Variants in UNC5CL observed in about 807,000 individuals in gnomAD.
UNC5CL encodes the protein unc-5 family C-terminal like.
In UNC5CL, 42 loss-of-function variants were observed where a neutral mutation model predicts 54.1. The observed-to-expected ratio is 0.78, with a 90% CI of 0.61 to 1.00. The LOEUF is 1.00. UNC5CL is among the 50% of genes least tolerant of loss of function. The pLI is 0.00. For synonymous variants in UNC5CL, 285 were observed against 285.1 expected (o/e 1.00, Z 0.00); for missense variants, 619 against 675.6 (o/e 0.92, Z 0.93).
At position 41,035,103 on chromosome 6, in the gene UNC5CL, T is replaced by G; in HGVS notation, c.-29A>C. On this transcript the variant is annotated 5_prime_UTR_variant, in exon 2 of 9. Transcript: ENST00000244565. ...CCTGGTTACTCAATGCCGCTGGCTC[T>G]CCTTCACCCCTGTGCCAGCCAAAGC... is the stretch of plus-strand genomic sequence containing the variant. The G allele has an allele frequency of 6.5e-7, 1 of 1,533,898 alleles. No individual in the cohort carries two copies. The highest frequency in any genetic ancestry group is 1.4e-5 in the African/African-American group (1 of 73,078).
At position 41,029,850 on chromosome 6, in the gene UNC5CL, A is replaced by G. The variant is rs1195423969; in HGVS notation, c.1334+538T>C. Among the ~76,000 whole-genome samples, 2 of 152,278 alleles carry G rather than the reference A, an allele frequency of 1.3e-5. No individual in the cohort carries two copies. The highest frequency in any genetic ancestry group is 3.9e-4 in the East Asian group (2 of 5,184). On this transcript the variant is annotated intron_variant, in intron 8 of 8. Transcript: ENST00000244565. The surrounding 1 kb of genome is among the most constrained non-coding windows in gnomAD (Gnocchi z 4.1). ...GACTCCGTCTCAAATAATGATAATA[A>G]TAATAAATAAAAATCCACCCTGTTT...
At chr6:41,039,131 TC>T (rs879031361) in intron 1 of UNC5CL, 30 bp downstream of exon 1, 3 of 152,294 alleles carry the variant, frequency 2.0e-5, no homozygotes, top group Admixed American at 2.0e-4. Context: ...CCATCCCCTC[TC>T]CAGCTGCCCC....
At chr6:41,031,633 G>A in intron 6 of UNC5CL, 48 bp downstream of exon 6, 2 of 1,599,762 alleles carry the variant, frequency 1.3e-6, no homozygotes, top group Non-Finnish European at 1.7e-6. Context: ...CTTTGCCTAG[G>A]ATTTCCCCCA....
intron 8 of UNC5CL, 60 bp downstream of exon 8, chr6:41,030,328 G>C (rs539612054): frequency 1.8e-5 from 27 of 1,533,642 alleles, no homozygotes; most frequent in Non-Finnish European, 2.3e-5. Context: ...AGAGTGTCCT[G>C]AGGAACCCCA....
chr6:41,030,593 G>A, intron 7 of UNC5CL, 62 bp downstream of exon 7: 1 of 1,609,202 alleles, frequency 6.2e-7, no homozygotes, highest in Non-Finnish European at 8.5e-7. Context: ...TAGTCACCCT[G>A]TGGGTGCCAG....
rs1179667183 is a variant in UNC5CL at position 41,029,369 on chromosome 6, C to A, written c.1335-774G>T. Among the ~76,000 whole-genome samples the A allele has an allele frequency of 6.6e-6, 1 of 152,214 alleles. No individual in the cohort carries two copies. Among genetic ancestry groups the A allele is most frequent in the African/African-American group, 2.4e-5 (1 of 41,456 alleles). ...CCTCAGTTCAGACTTCTGGTCATAA[C>A]GCCCGCAGTTCATTATTATTCTTGC... On this transcript the variant is annotated intron_variant, in intron 8 of 8. Transcript: ENST00000244565. The surrounding 1 kb of genome is among the most constrained non-coding windows in gnomAD (Gnocchi z 4.1).
At chr6:41,038,351 C>A (rs1396321207) in intron 1 of UNC5CL, among the ~76,000 whole-genome samples, 1 of 152,058 alleles carries the variant, frequency 6.6e-6, no homozygotes, top group Non-Finnish European at 1.5e-5. Context: ...ACAGCAGTAA[C>A]CTTCCTGGGG....
In UNC5CL at chr6:41,028,669, G is replaced by C. The variant is rs902082785; in HGVS notation, c.1335-74C>G. ...CTCCCCCCCTGCTGCAGGCTCCCTG[G>C]GCTGCGCAGCGCAAGGTCCGTCCCT... On this transcript the variant is annotated intron_variant, in intron 8 of 8. Coordinates refer to ENST00000244565, the MANE Select transcript of UNC5CL (RefSeq NM_173561.3). The surrounding 1 kb of genome is among the most constrained non-coding windows in gnomAD (Gnocchi z 4.3). The C allele has an allele frequency of 6.9e-7, 1 of 1,448,398 alleles. No homozygotes were observed. The highest frequency in any genetic ancestry group is 1.4e-5 in the African/African-American group (1 of 71,772). The allele number at this position is 1,448,398 out of a possible 1,614,324, so 89.7% of individuals were successfully genotyped here.
Position 41,035,027 on chromosome 6 carries a change from C to T in UNC5CL, c.48G>A (p.Leu16=), listed in dbSNP as rs1343689888. 1.9e-6 allele frequency: 3 copies of T among 1,599,032 alleles called. No individual in the cohort carries two copies. The highest frequency in any genetic ancestry group is 2.2e-5 in the South Asian group (2 of 90,406). Residue 16 remains leucine (L), a synonymous_variant, in exon 2 of 9, where the codon CTG becomes CTA. Coordinates refer to ENST00000244565, the MANE Select transcript of UNC5CL (RefSeq NM_173561.3). ...GGACACTTGCCACTGGGACCCCCAC[C>T]AGCAGTAGGAACTGGGAGGGTTGGA... The part of the protein sequence containing the change: ...SSFQPSQFLL[L]VGVPVASVLL...
In UNC5CL at chr6:41,027,549, G is replaced by A. The variant is rs1159891251; in HGVS notation, c.*824C>T. 1 of 152,252 alleles carries A rather than the reference G, an allele frequency of 6.6e-6. No individual in the cohort carries two copies. The highest frequency in any genetic ancestry group is 1.9e-4 in the East Asian group (1 of 5,196). The allele number at this position is 152,252 out of a possible 1,614,324, so 9.4% of individuals were successfully genotyped here. On this transcript the variant is annotated 3_prime_UTR_variant, in exon 9 of 9. Transcript: ENST00000244565. Reference sequence around the variant, plus strand: ...TACTCAGCTTTAATGTTTTCTGATAGAGAAAATGGCAGAGAGAGAGGAAGA... The same window carrying A: ...TACTCAGCTTTAATGTTTTCTGATAAAGAAAATGGCAGAGAGAGAGGAAGA...
At position 41,035,064 on chromosome 6, in the gene UNC5CL, T is replaced by C; in HGVS notation, c.11A>G (p.Gln4Arg). Residue 4 changes from glutamine (Q) to arginine (R), a missense_variant, in exon 2 of 9, where the codon CAG (glutamine) becomes CGG (arginine). Gln to Arg is a conservative substitution (Grantham distance 43). Transcript: ENST00000244565. Reference protein sequence around the residue: MCPQESSFQPSQFL... With the variant: MCPRESSFQPSQFL... ...CTGGGAGGGTTGGAATGAACTCTCC[T>C]GGGGGCACATTCGCCTGGTTACTCA... The C allele has an allele frequency of 1.3e-6, 2 of 1,565,748 alleles. No homozygotes were observed. The highest frequency in any genetic ancestry group is 1.7e-6 in the Non-Finnish European group (2 of 1,151,034).
At chr6:41,033,230 G>A (rs1762477533) in intron 3 of UNC5CL, 84 bp from the exon 4 acceptor site, 1 of 1,506,756 alleles carries the variant, frequency 6.6e-7, no homozygotes. Flanking sequence ...TGCCACCTGA[G>A]GGGCCTCTGT....
chr6:41,032,178 G>T, intron 4 of UNC5CL, 41 bp from the exon 5 acceptor site: 2 of 1,551,664 alleles, frequency 1.3e-6, no homozygotes, highest in Non-Finnish European at 1.8e-6. Context: ...AGAGAGTGGG[G>T]CCTTAAACAA....
rs1348009543 is a variant in UNC5CL at position 41,028,433 on chromosome 6, TG to T, written c.1496del (p.Pro499GlnfsTer122). The T allele has an allele frequency of 6.2e-7, 1 of 1,612,752 alleles. No homozygotes were observed. The highest frequency in any genetic ancestry group is 1.1e-5 in the South Asian group (1 of 90,932). ...CCCGGGCGCCCCCGCGCTCGGGGCC[TG>T]GGCTGCCGCCGTGTGTCCCACTCAG... ...NYLSGTHGGSPGPERGGARDN... is the reference protein window; with the variant it reads ...NYLSGTHGGSXGPERGGARDN... On this transcript the variant is annotated frameshift_variant, in exon 9 of 9. Coordinates refer to ENST00000244565, the MANE Select transcript of UNC5CL (RefSeq NM_173561.3). LOFTEE classifies it high-confidence loss of function. The surrounding 1 kb of genome is among the most constrained non-coding windows in gnomAD (Gnocchi z 4.3).
At position 41,028,591 on chromosome 6, in the gene UNC5CL, G is replaced by A. The variant is rs368722975; in HGVS notation, c.1339C>T (p.Leu447=). 2 of 1,612,866 alleles carry A rather than the reference G, an allele frequency of 1.2e-6. No individual in the cohort carries two copies. The highest frequency in any genetic ancestry group is 2.7e-5 in the African/African-American group (2 of 74,942). ...GCTGCGGGGCTGCGCTGGCAGGACA[G>A]GAACCTGGCCCGAGGTAGGGGAGGA... ...LGLCGMKIRF[L]SCQRSPAAAI... Residue 447 remains leucine (L), a synonymous_variant, in exon 9 of 9, where the codon CTG becomes TTG. Coordinates refer to ENST00000244565, the MANE Select transcript of UNC5CL (RefSeq NM_173561.3). This position sits in a 1 kb window ranked among gnomAD's most constrained non-coding sequence, Gnocchi z 4.3.
At position 41,034,852 on chromosome 6, in the gene UNC5CL, C is replaced by A. The variant is rs977897702; in HGVS notation, c.223G>T (p.Glu75Ter). Reference sequence around the variant, plus strand: ...AGCTCCTGGTAGAAGGCAACCATCTCTGGCAGTGTGGCTGGCAGGTGCTGC... The same window carrying A: ...AGCTCCTGGTAGAAGGCAACCATCTATGGCAGTGTGGCTGGCAGGTGCTGC... Reference protein sequence around the residue: ...SRQHLPATLPEMVAFYQELHT... With the variant: ...SRQHLPATLP Residue 75 changes from glutamate (E) to a stop codon, truncating the protein, a stop_gained, in exon 2 of 9, where the codon GAG becomes TAG. Coordinates refer to ENST00000244565, the MANE Select transcript of UNC5CL (RefSeq NM_173561.3). LOFTEE classifies it high-confidence loss of function. 3 of 1,614,128 alleles carry A rather than the reference C, an allele frequency of 1.9e-6. No individual in the cohort carries two copies. The African/African-American group carries it at 4.0e-5, about 22-fold the overall frequency.
At chr6:41,033,569 G>A in intron 3 of UNC5CL, 1 of 524,814 alleles carries the variant, frequency 1.9e-6, no homozygotes. Flanking sequence ...ACAGTGTAGA[G>A]AGAGATAATT....
Position 41,033,939 on chromosome 6 carries a change from C to T in UNC5CL, c.628G>A (p.Gly210Arg). Residue 210 changes from glycine (G) to arginine (R), a missense_variant, in exon 3 of 9, where the codon GGG (glycine) becomes AGG (arginine). Gly to Arg is a moderately radical substitution (Grantham distance 125). Coordinates refer to ENST00000244565, the MANE Select transcript of UNC5CL (RefSeq NM_173561.3). ...CGGGAGGCGTGGGCCCCCGGCCGCC[C>T]CAGGGGCCTCCATACCTTGGCATCC... ...LLDAKVWRPL[G>R]RPGAHASRDE... 1.2e-6 allele frequency: 2 copies of T among 1,614,030 alleles called. No individual in the cohort carries two copies. Among genetic ancestry groups the T allele is most frequent in the Non-Finnish European group, 1.7e-6 (2 of 1,179,964 alleles).
chr6:41,027,379 A>C lies in UNC5CL; in HGVS notation c.*994T>G, dbSNP rs1762400187. 1 of 152,302 alleles carries C rather than the reference A, an allele frequency of 6.6e-6. No individual in the cohort carries two copies. The highest frequency in any genetic ancestry group is 1.5e-5 in the Non-Finnish European group (1 of 68,072). The allele number at this position is 152,302 out of a possible 1,614,324, so 9.4% of individuals were successfully genotyped here. A position where few individuals can be genotyped will look rare whatever the true frequency, so the allele number is the denominator to read the frequency against. ...AGAAACAAAAAGATCTAAGACAGAG[A>C]GAGAGAGTAACTGAAACACAGGTGC... On this transcript the variant is annotated 3_prime_UTR_variant, in exon 9 of 9. Coordinates refer to ENST00000244565, the MANE Select transcript of UNC5CL (RefSeq NM_173561.3).
Sources: gnomAD v4.1 joint callset for allele counts (sites outside exome capture counted in the v4.1 genomes callset) on GRCh38, gnomAD v4.1.1 for gene constraint, Gnocchi (gnomAD v3.1) non-coding constraint, MANE v1.5 for transcripts, NCBI Gene and HGNC (gene_info 2026-07-23, HGNC 2026-07-21) for gene names.